Variants in THEMIS observed in about 807,000 individuals in gnomAD.
THEMIS encodes the protein thymocyte selection associated.
THEMIS carries 37 observed loss-of-function variants against 52.6 expected under a neutral mutation model. The observed-to-expected ratio is 0.70, with a 90% CI of 0.54 to 0.93. THEMIS has a LOEUF of 0.93. THEMIS is among the 40% of genes least tolerant of loss of function. THEMIS has a pLI of 0.00. For synonymous variants in THEMIS, 292 were observed against 272.7 expected, an observed-to-expected ratio of 1.07 and a Z score of -0.70; for missense variants, 808 against 763.1, an observed-to-expected ratio of 1.06 and a Z score of -0.69.
At chr6:127,801,249 T>C (rs1211377163) in intron 4 of THEMIS, among the ~76,000 whole-genome samples, 2 of 152,176 alleles carry the variant, frequency 1.3e-5, no homozygotes, top group African/African-American at 4.8e-5. Flanking sequence ...GCTCCTTGGT[T>C]GCTCCTAAGT....
rs79068247 is a variant in THEMIS at position 127,802,982 on chromosome 6, T to G, written c.1758+9901A>C. Among the ~76,000 whole-genome samples the G allele has an allele frequency of 5.4e-4, 82 of 152,374 alleles. 1 individual carries two copies. The East Asian group carries it at 0.015, about 28-fold the overall frequency. ...TCACCACCATCCATTCTGATGCTTATGTTAGAAATCTGGATACTTTCCTTA... is the reference window on the plus strand; with the variant it reads ...TCACCACCATCCATTCTGATGCTTAGGTTAGAAATCTGGATACTTTCCTTA... On this transcript the variant is annotated intron_variant, in intron 4 of 5. Coordinates refer to ENST00000368248, the MANE Select transcript of THEMIS (RefSeq NM_001010923.3).
At chr6:127,785,498 T>C (rs1206685097) in intron 4 of THEMIS, among the ~76,000 whole-genome samples, 1 of 151,792 alleles carries the variant, frequency 6.6e-6, no homozygotes, top group East Asian at 1.9e-4. Flanking sequence ...AAAACAATAC[T>C]TTCTCCAGAT....
intron 1 of THEMIS, among the ~76,000 whole-genome samples, chr6:127,863,332 G>T (rs939755468): frequency 7.2e-5 from 11 of 152,044 alleles, no homozygotes; most frequent in Admixed American, 2.0e-4. Context: ...TATCAAGCAG[G>T]TGTCCAAATT....
At chr6:127,860,124 G>T (rs996175321) in intron 1 of THEMIS, among the ~76,000 whole-genome samples, 1 of 152,122 alleles carries the variant, frequency 6.6e-6, no homozygotes, top group South Asian at 2.1e-4. Context: ...AAGAGGCCAT[G>T]GTTGCAATAG....
At chr6:127,845,522 C>A (rs766801365) in intron 2 of THEMIS, among the ~76,000 whole-genome samples, 3 of 151,666 alleles carry the variant, frequency 2.0e-5, no homozygotes, top group Admixed American at 6.6e-5. Context: ...CCTGTAATCA[C>A]GAAAAAATAA....
Position 127,789,598 on chromosome 6 carries a change from C to T in THEMIS, c.1758+23285G>A, listed in dbSNP as rs549002646. Among the ~76,000 whole-genome samples the T allele has an allele frequency of 2.4e-4, 37 of 152,252 alleles. 1 individual carries two copies. The highest frequency in any genetic ancestry group is 6.5e-4 in the Admixed American group (10 of 15,288). Reference sequence around the variant, plus strand: ...AAAAGAAAATTTCAGGCCAATATTCCTGATGAACATCAATACAAAAATCCT... The same window carrying T: ...AAAAGAAAATTTCAGGCCAATATTCTTGATGAACATCAATACAAAAATCCT... On this transcript the variant is annotated intron_variant, in intron 4 of 5. Transcript: ENST00000368248.
intron 1 of THEMIS, among the ~76,000 whole-genome samples, chr6:127,879,994 C>T (rs1170885239): frequency 1.3e-5 from 2 of 152,102 alleles, no homozygotes; most frequent in African/African-American, 2.4e-5. Flanking sequence ...ACAGCCATGC[C>T]GTTTTCCTCC....
At chr6:127,884,793 G>C (rs1433006565) in intron 1 of THEMIS, among the ~76,000 whole-genome samples, 1 of 152,134 alleles carries the variant, frequency 6.6e-6, no homozygotes, top group Admixed American at 6.6e-5. Flanking sequence ...CAAGATCAAG[G>C]TTCTGGTTGA....
intron 1 of THEMIS, among the ~76,000 whole-genome samples, chr6:127,863,453 GC>G (rs1294707637): frequency 3.3e-5 from 5 of 152,074 alleles, no homozygotes; most frequent in African/African-American, 1.2e-4. Flanking sequence ...CTTTATCTGT[GC>G]TTATCTGGGA....
intron 4 of THEMIS, among the ~76,000 whole-genome samples, chr6:127,771,916 G>A (rs191657275): frequency 1.3e-5 from 2 of 152,046 alleles, no homozygotes; most frequent in African/African-American, 4.8e-5. Context: ...ATATCATAAG[G>A]CATATATGAT....
chr6:127,787,890 TA>T (rs1188329814), intron 4 of THEMIS, among the ~76,000 whole-genome samples: 1 of 146,096 alleles, frequency 6.8e-6, no homozygotes, highest in South Asian at 2.1e-4. Context: ...TATAGATAGA[TA>T]GATAGATAGA....
At chr6:127,867,105 A>G (rs761460248) in intron 1 of THEMIS, among the ~76,000 whole-genome samples, 1 of 151,990 alleles carries the variant, frequency 6.6e-6, no homozygotes, top group Non-Finnish European at 1.5e-5. Flanking sequence ...ATCCTAAAGA[A>G]TTCTTTTAGT....
intron 4 of THEMIS, among the ~76,000 whole-genome samples, chr6:127,761,625 C>T (rs143869503): frequency 7.2e-4 from 110 of 152,252 alleles, no homozygotes; most frequent in Non-Finnish European, 1.4e-3. Flanking sequence ...CTGATGAAAC[C>T]CTTCCCTATA....
intron 1 of THEMIS, among the ~76,000 whole-genome samples, chr6:127,882,731 T>A (rs897302577): frequency 6.6e-6 from 1 of 151,878 alleles, no homozygotes; most frequent in Non-Finnish European, 1.5e-5. Context: ...TTTTAAGAAC[T>A]TAAAAAAAAG....
rs2114596223 is a variant in THEMIS at position 127,810,687 on chromosome 6, G to A, written c.1758+2196C>T. On this transcript the variant is annotated intron_variant, in intron 4 of 5. Coordinates refer to ENST00000368248, the MANE Select transcript of THEMIS (RefSeq NM_001010923.3). Reference sequence around the variant, plus strand: ...GAGTCTGTGGTATTATGTTATAATAGCGCAAACAGATACCCTCCAATCGTG... The same window carrying A: ...GAGTCTGTGGTATTATGTTATAATAACGCAAACAGATACCCTCCAATCGTG... Among the ~76,000 whole-genome samples, 3 of 152,208 alleles carry A rather than the reference G, an allele frequency of 2.0e-5. No homozygotes were observed. The Middle Eastern group carries it at 0.01, about 518-fold the overall frequency.
intron 1 of THEMIS, among the ~76,000 whole-genome samples, chr6:127,887,765 C>T (rs1014571773): frequency 7.2e-5 from 11 of 152,088 alleles, no homozygotes; most frequent in African/African-American, 2.4e-4. Flanking sequence ...GGTCTTAAAT[C>T]GATGATGATT....
chr6:127,726,333 C>T (rs1774546969), intron 4 of THEMIS, among the ~76,000 whole-genome samples: 1 of 152,090 alleles, frequency 6.6e-6, no homozygotes, highest in African/African-American at 2.4e-5. Context: ...GACAGCACCC[C>T]ATCTCAATCC....
At chr6:127,840,138 G>A (rs1168329176) in intron 2 of THEMIS, among the ~76,000 whole-genome samples, 1 of 152,082 alleles carries the variant, frequency 6.6e-6, no homozygotes, top group Non-Finnish European at 1.5e-5. Context: ...TTTATGAAAT[G>A]TGATTGACAA....
At chr6:127,738,281 C>A (rs2114260896) in intron 4 of THEMIS, among the ~76,000 whole-genome samples, 1 of 152,112 alleles carries the variant, frequency 6.6e-6, no homozygotes, top group Non-Finnish European at 1.5e-5. Flanking sequence ...AGACTGTAAT[C>A]CAATTGCCAA....
Sources: allele counts gnomAD v4.1 joint callset (sites outside exome capture counted in the v4.1 genomes callset), GRCh38; gene constraint gnomAD v4.1.1; transcripts MANE v1.5; gene names NCBI Gene and HGNC (gene_info 2026-07-23, HGNC 2026-07-21).